CD160: variants seen among roughly 807,000 people sequenced by gnomAD.
CD160 encodes the protein CD160 molecule, also known as CD160 antigen.
Under a neutral mutation model 19.2 loss-of-function variants are expected in CD160, and 11 were observed. The observed-to-expected ratio is 0.57, with a 90% CI of 0.36 to 0.95. CD160 has a LOEUF of 0.95. CD160 is among the 40% of genes least tolerant of loss of function. The pLI is 0.01. For missense variants in CD160, 182 were observed against 213.2 expected (o/e 0.85, Z 0.91); for synonymous variants, 75 against 81.1 (o/e 0.93, Z 0.40).
chr1:145,733,875 C>A (rs1473245617), intron 4 of CD160, among the ~76,000 whole-genome samples: 1 of 152,174 alleles, frequency 6.6e-6, no homozygotes, highest in African/African-American at 2.4e-5. Flanking sequence ...CTCCCTGCAA[C>A]TGACCAGCAA....
chr1:145,727,890 A>G (rs1034248102), intron 2 of CD160, among the ~76,000 whole-genome samples: 3 of 152,224 alleles, frequency 2.0e-5, no homozygotes, highest in Non-Finnish European at 4.4e-5. Flanking sequence ...TAGCAAGGGC[A>G]CGAGGAAATG....
chr1:145,732,518 GAA>G (rs1188509734), intron 4 of CD160, among the ~76,000 whole-genome samples: 1 of 140,696 alleles, frequency 7.1e-6, no homozygotes, highest in Non-Finnish European at 1.5e-5. Context: ...TAGTGGAAAA[GAA>G]AAAAAAAAGG....
At chr1:145,738,425 T>G in intron 5 of CD160, 61 bp from the exon 6 acceptor site, 1 of 1,158,046 alleles carries the variant, frequency 8.6e-7, no homozygotes, top group Non-Finnish European at 1.1e-6. Flanking sequence ...GACTTCATTA[T>G]ATCAGGTATT....
At chr1:145,734,189 C>A (rs1657399627) in intron 4 of CD160, among the ~76,000 whole-genome samples, 1 of 152,174 alleles carries the variant, frequency 6.6e-6, no homozygotes, top group Admixed American at 6.5e-5. Flanking sequence ...TCACCTCACA[C>A]TTAACATATT....
At chr1:145,729,751 T>C (rs1657211085) in intron 3 of CD160, among the ~76,000 whole-genome samples, 1 of 152,222 alleles carries the variant, frequency 6.6e-6, no homozygotes, top group Non-Finnish European at 1.5e-5. Context: ...GGTCTTTGGA[T>C]ATCAATGGTC....
At chr1:145,734,177 C>T (rs1450614447) in intron 4 of CD160, among the ~76,000 whole-genome samples, 1 of 152,132 alleles carries the variant, frequency 6.6e-6, no homozygotes, top group African/African-American at 2.4e-5. Context: ...TTCAGGTCTT[C>T]ATCACCTCAC....
At chr1:145,736,505 G>A in intron 5 of CD160, 1 of 347,934 alleles carries the variant, frequency 2.9e-6, no homozygotes, top group Non-Finnish European at 5.6e-6. Context: ...GTTTGGAGAT[G>A]GGTTTTGAAC....
At chr1:145,729,167 TG>T (rs1420862665) in intron 3 of CD160, among the ~76,000 whole-genome samples, 2 of 152,288 alleles carry the variant, frequency 1.3e-5, no homozygotes, top group Middle Eastern at 3.4e-3. Context: ...AGTGAATCAA[TG>T]GCTGGGATTG....
intron 1 of CD160, among the ~76,000 whole-genome samples, chr1:145,720,675 G>A (rs1370672333): frequency 2.0e-5 from 3 of 152,174 alleles, no homozygotes; most frequent in African/African-American, 7.2e-5. Context: ...GGTGGCAGAG[G>A]AAATGGAGAC....
chr1:145,732,899 A>G (rs1553709600), intron 4 of CD160, among the ~76,000 whole-genome samples: 1 of 152,220 alleles, frequency 6.6e-6, no homozygotes, highest in South Asian at 2.1e-4. Context: ...ACTATATTCT[A>G]GCACATCTTC....
chr1:145,726,622 C>T (rs1206395989), intron 2 of CD160, among the ~76,000 whole-genome samples: 1 of 151,972 alleles, frequency 6.6e-6, no homozygotes, highest in Non-Finnish European at 1.5e-5. Context: ...AGGAGAAATA[C>T]CTAATGTAAA....
intron 4 of CD160, 50 bp from the exon 5 acceptor site, chr1:145,735,947 C>G (rs781884403): frequency 2.3e-6 from 3 of 1,279,724 alleles, no homozygotes; most frequent in African/African-American, 1.5e-5. Flanking sequence ...AAAGGAGATA[C>G]TGATGATTTC....
intron 3 of CD160, among the ~76,000 whole-genome samples, chr1:145,729,402 C>G (rs1657193835): frequency 6.6e-6 from 1 of 152,196 alleles, no homozygotes; most frequent in Admixed American, 6.5e-5. Flanking sequence ...GCCTCAGCAT[C>G]TGCCGGATGA....
intron 4 of CD160, among the ~76,000 whole-genome samples, chr1:145,734,160 G>C (rs1553709791): frequency 2.0e-5 from 3 of 152,128 alleles, no homozygotes; most frequent in African/African-American, 4.8e-5. Context: ...TCCTTCCAAA[G>C]GTGTTTTTCA....
chr1:145,721,066 G>T (rs1444386837), intron 1 of CD160, among the ~76,000 whole-genome samples: 1 of 152,124 alleles, frequency 6.6e-6, no homozygotes, highest in East Asian at 1.9e-4. Flanking sequence ...GGGGAGACCC[G>T]CCCCTGGCGT....
At chr1:145,720,129 A>C (rs782809567) in intron 1 of CD160, among the ~76,000 whole-genome samples, 11 of 152,252 alleles carry the variant, frequency 7.2e-5, no homozygotes, top group Non-Finnish European at 1.5e-4. Flanking sequence ...AATATTTTCA[A>C]ATCTCATTAC....
rs181749271 is a variant in CD160, at chr1:145,722,748, C to A, written c.-178-2053C>A. On this transcript the variant is annotated intron_variant, in intron 1 of 5. Coordinates refer to ENST00000369288, the MANE Select transcript of CD160 (RefSeq NM_007053.4). ...CTGGGACTACAGGCGCCCGCCACCA[C>A]GCCCGGCTAATTTTTTGTATTTTTT... Among the ~76,000 whole-genome samples, 73 of 152,240 alleles carry A rather than the reference C, an allele frequency of 4.8e-4. 1 individual carries two copies. In the East Asian group the frequency reaches 0.013, roughly 27 times the overall value.
intron 1 of CD160, among the ~76,000 whole-genome samples, chr1:145,721,236 C>T (rs1240467966): frequency 4.6e-5 from 7 of 152,224 alleles, no homozygotes; most frequent in African/African-American, 1.7e-4. Context: ...CCCTGGCTAG[C>T]CCCCATGCTC....
chr1:145,720,023 T>G (rs1656767121), intron 1 of CD160, among the ~76,000 whole-genome samples: 1 of 152,220 alleles, frequency 6.6e-6, no homozygotes, highest in Non-Finnish European at 1.5e-5. Context: ...AAATACATCT[T>G]TATTTTCACT....
Sources: gnomAD v4.1 joint callset for allele counts (sites outside exome capture counted in the v4.1 genomes callset) on GRCh38, gnomAD v4.1.1 for gene constraint, MANE v1.5 for transcripts, NCBI Gene and HGNC (gene_info 2026-07-23, HGNC 2026-07-21) for gene names.